Variants in CFAP43 observed in about 807,000 individuals in gnomAD.
CFAP43 encodes cilia- and flagella-associated protein 43.
Under a neutral mutation model 218.9 loss-of-function variants are expected in CFAP43, and 155 were observed. The observed-to-expected ratio is 0.71, with a 90% CI of 0.62 to 0.81. CFAP43 has a LOEUF of 0.81. Ranked by LOEUF, CFAP43 falls within the 30% of genes least tolerant of loss-of-function variation. The pLI is 0.00. For synonymous variants in CFAP43, 645 were observed against 681.3 expected (o/e 0.95, Z 0.83); for missense variants, 1,778 against 1,954.3 (o/e 0.91, Z 1.70).
rs1166934400 is a variant in CFAP43, at chr10:104,167,621, T to C, written c.2808A>G (p.Lys936=). 2.5e-5 allele frequency: 40 copies of C among 1,604,402 alleles called. No homozygotes were observed. The highest frequency in any genetic ancestry group is 3.2e-5 in the Non-Finnish European group (38 of 1,176,900). The change falls in exon 22 of 38, where the codon AAA becomes AAG. Residue 936 remains lysine, a splice_region_variant and synonymous_variant. Transcript: ENST00000357060. ...AACACATGTATATTTAAAATAGTAC[T>C]TTAAGACACTCTGCTTCAATCTTCT... ...QQKKIEAECL[K]LRKEIVEAQS... is the part of the protein sequence containing the mutation.
chr10:104,192,091 T>C, intron 12 of CFAP43, 108 bp downstream of exon 12: 2 of 817,492 alleles, frequency 2.4e-6, no homozygotes, highest in Non-Finnish European at 3.8e-6. Flanking sequence ...TTTCAGAAAA[T>C]ATGCCACAAA....
intron 20 of CFAP43, among the ~76,000 whole-genome samples, chr10:104,172,141 A>G (rs1258874293): frequency 6.6e-6 from 1 of 152,242 alleles, no homozygotes; most frequent in African/African-American, 2.4e-5. Flanking sequence ...AAGACTTCCA[A>G]CAATGTTCAA....
rs1014626911 is a variant in CFAP43 at position 104,213,474 on chromosome 10, C to A, written c.584+785G>T. On this transcript the variant is annotated intron_variant, in intron 4 of 37. Coordinates refer to ENST00000357060, the MANE Select transcript of CFAP43 (RefSeq NM_025145.7). ...GACCCAGTTCTATTTAAACAGGTAA[C>A]TCCCATGGCTCCACTATACACAACT... Among the ~76,000 whole-genome samples, 3 of 152,174 alleles carry A rather than the reference C, an allele frequency of 2.0e-5. No homozygotes were observed. The East Asian group carries it at 5.8e-4, about 29-fold the overall frequency.
intron 27 of CFAP43, among the ~76,000 whole-genome samples, chr10:104,158,426 T>G (rs1031080429): frequency 2.6e-5 from 4 of 152,194 alleles, no homozygotes; most frequent in African/African-American, 7.2e-5. Context: ...CACAGCATCA[T>G]CTACTTAGTA....
chr10:104,209,621 T>TAACG (rs1266038246), intron 5 of CFAP43, among the ~76,000 whole-genome samples: 18 of 152,248 alleles, frequency 1.2e-4, no homozygotes, highest in Non-Finnish European at 2.5e-4. Context: ...GAGTTCGTTA[T>TAACG]GTTTGTACAA....
chr10:104,146,625 T>C (rs935364679), intron 29 of CFAP43, among the ~76,000 whole-genome samples: 1 of 152,132 alleles, frequency 6.6e-6, no homozygotes, highest in African/African-American at 2.4e-5. Flanking sequence ...GTGTGGAGGA[T>C]GAAAGTGCAC....
intron 29 of CFAP43, among the ~76,000 whole-genome samples, chr10:104,147,003 T>G (rs2088008435): frequency 6.6e-6 from 1 of 152,114 alleles, no homozygotes; most frequent in Non-Finnish European, 1.5e-5. Context: ...TCCTACTCCT[T>G]TCCTGCCTTT....
intron 27 of CFAP43, among the ~76,000 whole-genome samples, chr10:104,157,724 G>GGAGCTAACT (rs901143338): frequency 3.4e-5 from 5 of 145,450 alleles, no homozygotes; most frequent in Non-Finnish European, 6.0e-5. Flanking sequence ...AGTTGGAATT[G>GGAGCTAACT]GAGCTAACTG....
chr10:104,213,636 A>G (rs921860477), intron 4 of CFAP43, among the ~76,000 whole-genome samples: 1 of 152,046 alleles, frequency 6.6e-6, no homozygotes, highest in African/African-American at 2.4e-5. Context: ...CTTGGGTTCA[A>G]GTGATTCTCC....
Position 104,162,040 on chromosome 10 carries a change from T to A in CFAP43, c.3335A>T (p.Asp1112Val), listed in dbSNP as rs752679555. The A allele has an allele frequency of 2.5e-6, 4 of 1,612,604 alleles. No homozygotes were observed. The East Asian group carries it at 8.9e-5, about 36-fold the overall frequency. The change falls in exon 26 of 38, where the codon GAT becomes GTT. Residue 1112 changes from aspartate to valine, a missense_variant and splice_region_variant. By Grantham distance (152) the Asp-to-Val change is radical. This residue lies in a region of CFAP43 where 1,553 missense variants were observed against 1,685.2 expected (regional missense o/e 0.92). Transcript: ENST00000357060. ...HEKEHWLLIQDASTRLRALMD... is the reference protein window; with the variant it reads ...HEKEHWLLIQVASTRLRALMD... Reference sequence around the variant, plus strand: ...CAGAGCTCGGAGTCTTGTACTGGCATCCTGGGAAAGAGCCAGAATCAGAGA... The same window carrying A: ...CAGAGCTCGGAGTCTTGTACTGGCAACCTGGGAAAGAGCCAGAATCAGAGA...
In CFAP43 at chr10:104,162,316, C is replaced by G. The variant is rs765419111; in HGVS notation, c.3333+1G>C. 64 of 1,613,348 alleles carry G rather than the reference C, an allele frequency of 4.0e-5. 1 individual carries two copies. Among genetic ancestry groups the G allele is most frequent in the Non-Finnish European group, 5.1e-6 (6 of 1,179,364 alleles). Reference sequence around the variant, plus strand: ...GACCTGTGTTAAGCAAAGCTACATGCCTGTATCAGAAGCCAGTGCTCCTTT... The same window carrying G: ...GACCTGTGTTAAGCAAAGCTACATGGCTGTATCAGAAGCCAGTGCTCCTTT... On this transcript the variant is annotated splice_donor_variant, in intron 25 of 37. Transcript: ENST00000357060. LOFTEE classifies it high-confidence loss of function.
intron 8 of CFAP43, 38 bp downstream of exon 8, chr10:104,203,634 C>A (rs1452108411): frequency 2.5e-6 from 4 of 1,572,916 alleles, no homozygotes; most frequent in Non-Finnish European, 3.4e-6. Flanking sequence ...ATAATACTAT[C>A]TGAAAATCAC....
At chr10:104,180,681 G>A (rs1240300790) in intron 17 of CFAP43, among the ~76,000 whole-genome samples, 7 of 151,938 alleles carry the variant, frequency 4.6e-5, no homozygotes, top group Non-Finnish European at 8.8e-5. Context: ...TCCTAACCTC[G>A]TGATATGCCC....
In CFAP43 at chr10:104,186,074, C is replaced by G. The variant is rs188639291; in HGVS notation, c.1910G>C (p.Arg637Thr). ...ATAGAGCAGTCCAGGTCCATACTGT[C>G]TGCTTTGTACTTTTTTGTATGGTTT... is the stretch of plus-strand genomic sequence containing the variant. ...ILKPYKKVQSRQYGPGLLYLS... is the reference protein window; with the variant it reads ...ILKPYKKVQSTQYGPGLLYLS... The change falls in exon 15 of 38, where the codon AGA becomes ACA. Residue 637 changes from arginine (R) to threonine (T), a missense_variant. Physicochemically the swap from Arg to Thr is moderately conservative, Grantham distance 71 (BLOSUM62 -1). Transcript: ENST00000357060. 4.9e-5 allele frequency: 77 copies of G among 1,577,026 alleles called. No homozygotes were observed.
At chr10:104,206,520 C>T (rs192567725) in intron 6 of CFAP43, among the ~76,000 whole-genome samples, 9 of 152,212 alleles carry the variant, frequency 5.9e-5, no homozygotes, top group African/African-American at 1.7e-4. Flanking sequence ...TTAGGGAGAG[C>T]GTGAAATCAA....
intron 10 of CFAP43, among the ~76,000 whole-genome samples, chr10:104,195,288 C>T (rs927582736): frequency 1.3e-4 from 20 of 152,080 alleles, no homozygotes; most frequent in African/African-American, 4.8e-4. Context: ...CCTCCTTGCC[C>T]AAGAGGAACA....
At chr10:104,221,255 G>A (rs1273900720) in intron 3 of CFAP43, among the ~76,000 whole-genome samples, 9 of 152,302 alleles carry the variant, frequency 5.9e-5, no homozygotes, top group South Asian at 2.1e-4. Context: ...GATTACAGGC[G>A]TGAGCCACCA....
intron 3 of CFAP43, among the ~76,000 whole-genome samples, chr10:104,221,549 T>G (rs2091181999): frequency 6.6e-6 from 1 of 152,202 alleles, no homozygotes. Flanking sequence ...AAACTGAAGC[T>G]GCTGGCACCT....
chr10:104,230,956 C>T (rs1423742766), intron 1 of CFAP43, 113 bp from the exon 2 acceptor site: 2 of 1,177,120 alleles, frequency 1.7e-6, no homozygotes, highest in East Asian at 5.2e-5. Flanking sequence ...CATGTCCTTT[C>T]TGCCCCCAAT....
Sources: gnomAD v4.1 joint callset for allele counts (sites outside exome capture counted in the v4.1 genomes callset) on GRCh38, gnomAD v4.1.1 for gene constraint, gnomAD v4.1.1 regional missense constraint, MANE v1.5 for transcripts, NCBI Gene and HGNC (gene_info 2026-07-23, HGNC 2026-07-21) for gene names.